Variants in TRIM49 observed in about 807,000 individuals in gnomAD.
TRIM49 encodes tripartite motif-containing protein 49.
Under a neutral mutation model 27.4 loss-of-function variants are expected in TRIM49, and 5 were observed. That is an observed-to-expected ratio of 0.18 (90% CI 0.10 to 0.38). The LOEUF is 0.38. Ranked by LOEUF, TRIM49 falls within the 10% of genes least tolerant of loss-of-function variation. The pLI, the probability that TRIM49 is intolerant of heterozygous loss-of-function variation, is 1.00. For synonymous variants in TRIM49, 69 were observed against 166.0 expected (o/e 0.42, Z 4.49); for missense variants, 188 against 487.5 (o/e 0.39, Z 5.79).
At chr11:89,791,736 A>G in the TRIM49 span, among the ~76,000 whole-genome samples, 8 of 152,312 alleles carry the variant, frequency 5.3e-5, no homozygotes, top group African/African-American at 1.9e-4. Flanking sequence ...AAGAGCTCCT[A>G]AAGGAAGCAC....
chr11:89,787,466 G>A, the TRIM49 span: 1 of 424,026 alleles, frequency 2.4e-6, no homozygotes, highest in Admixed American at 3.7e-5. Flanking sequence ...CAAGCGGCCT[G>A]GCCTAGAGGC....
chr11:89,770,739 G>A, the TRIM49 span, among the ~76,000 whole-genome samples: 5 of 142,534 alleles, frequency 3.5e-5, no homozygotes, highest in Admixed American at 6.8e-5. Context: ...GGTGGCGAGC[G>A]CCTGTAGTCC....
At chr11:89,800,466 G>C (rs1308894208) in intron 6 of TRIM49, among the ~76,000 whole-genome samples, 1 of 151,596 alleles carries the variant, frequency 6.6e-6, no homozygotes, top group Non-Finnish European at 1.5e-5. Context: ...ATCAGGGGCC[G>C]GGCGCGGTGG....
In TRIM49 at chr11:89,807,530, A is replaced by G. The variant is rs1470340920; in HGVS notation, c.-190-246T>C. Reference sequence around the variant, plus strand: ...CTGTTTATTGAGTTTCTTCCATGATACAGGCATTCCTCTAAGTGCACATTT... The same window carrying G: ...CTGTTTATTGAGTTTCTTCCATGATGCAGGCATTCCTCTAAGTGCACATTT... On this transcript the variant is annotated intron_variant, in intron 1 of 7. Transcript: ENST00000329758. 2.0e-5 allele frequency among the ~76,000 whole-genome samples: 3 copies of G among 150,748 alleles called. No individual in the cohort carries two copies. In the East Asian group the frequency reaches 5.9e-4, roughly 29 times the overall value.
At chr11:89,769,532 A>G in the TRIM49 span, among the ~76,000 whole-genome samples, 3 of 134,914 alleles carry the variant, frequency 2.2e-5, no homozygotes, top group South Asian at 2.3e-4. Flanking sequence ...CCTCGTGCAG[A>G]CAAGAGTTCT....
chr11:89,799,938 T>C, intron 6 of TRIM49, 125 bp from the exon 7 acceptor site: 4 of 1,142,640 alleles, frequency 3.5e-6, no homozygotes, highest in Non-Finnish European at 5.0e-6. Flanking sequence ...CAAAAATTAA[T>C]CCTTCCTTTT....
chr11:89,777,159 G>A, the TRIM49 span: 1 of 1,550,048 alleles, frequency 6.5e-7, no homozygotes, highest in East Asian at 2.4e-5. Flanking sequence ...AAACCTCAGA[G>A]AAGCCCAACT....
the TRIM49 span, chr11:89,776,891 A>C: frequency 7.0e-7 from 1 of 1,418,732 alleles, no homozygotes; most frequent in Non-Finnish European, 9.4e-7. Flanking sequence ...GACAAAGAAA[A>C]TTGTCCACCG....
the TRIM49 span, chr11:89,766,823 G>A: frequency 8.3e-6 from 11 of 1,331,520 alleles, 1 homozygote; most frequent in South Asian, 1.2e-5. Context: ...GAAGAAATAT[G>A]TCCTTAGATT....
At chr11:89,778,268 C>T in the TRIM49 span, among the ~76,000 whole-genome samples, 2,660 of 151,808 alleles carry the variant, frequency 0.018, 22 homozygotes, top group East Asian at 0.049. Flanking sequence ...CCTTTTCAGA[C>T]ACTGCAGATG....
chr11:89,803,964 G>C, intron 3 of TRIM49, 95 bp downstream of exon 3: 3 of 1,610,614 alleles, frequency 1.9e-6, no homozygotes, highest in Non-Finnish European at 2.5e-6. Context: ...TGCTTAAAGG[G>C]ACTCAGAGTT....
chr11:89,787,971 G>A, the TRIM49 span: 8 of 274,626 alleles, frequency 2.9e-5, no homozygotes, highest in Non-Finnish European at 5.5e-5. Flanking sequence ...CCAGGAAGGG[G>A]CTGGGGGAGC....
chr11:89,807,093 A>G lies in TRIM49; in HGVS notation c.-5+6T>C, dbSNP rs1209453100. On this transcript the variant is annotated splice_donor_region_variant and intron_variant, in intron 2 of 7. Coordinates refer to ENST00000329758, the MANE Select transcript of TRIM49 (RefSeq NM_020358.2). ...TGATATAATTTTATCAATATGTTTC[A>G]CTCACCCTGGAGTTCTTTTAATGGT... 6.6e-6 allele frequency: 1 copy of G among 152,288 alleles called. No homozygotes were observed. The highest frequency in any genetic ancestry group is 1.5e-5 in the Non-Finnish European group (1 of 67,930). The allele number at this position is 152,288 out of a possible 1,614,324, so 9.4% of individuals were successfully genotyped here. A position where few individuals can be genotyped will look rare whatever the true frequency, so the allele number is the denominator to read the frequency against.
the TRIM49 span, among the ~76,000 whole-genome samples, chr11:89,770,738 C>T: frequency 9.8e-5 from 14 of 142,242 alleles, no homozygotes; most frequent in East Asian, 1.9e-3. Flanking sequence ...TGGTGGCGAG[C>T]GCCTGTAGTC....
the TRIM49 span, among the ~76,000 whole-genome samples, chr11:89,770,818 A>C: frequency 6.9e-6 from 1 of 144,250 alleles, no homozygotes; most frequent in African/African-American, 2.8e-5. Context: ...GTGAGCCAAG[A>C]TTGCGCCACT....
intron 2 of TRIM49, among the ~76,000 whole-genome samples, chr11:89,805,663 T>C (rs1178641796): frequency 1.3e-5 from 2 of 150,706 alleles, no homozygotes; most frequent in African/African-American, 2.5e-5. Flanking sequence ...TAGAATCATG[T>C]ATAGCTTGTG....
chr11:89,805,159 T>C (rs1949779131), intron 2 of TRIM49, among the ~76,000 whole-genome samples: 1 of 151,608 alleles, frequency 6.6e-6, no homozygotes. Flanking sequence ...TTATTAAAGA[T>C]ATTGGGTCTT....
chr11:89,793,257 A>G (rs1187796923), downstream of TRIM49, among the ~76,000 whole-genome samples: 2 of 152,080 alleles, frequency 1.3e-5, no homozygotes. Flanking sequence ...TACAAACCAA[A>G]TAAAGTCCGG....
At chr11:89,769,396 G>A in the TRIM49 span, among the ~76,000 whole-genome samples, 4 of 136,770 alleles carry the variant, frequency 2.9e-5, no homozygotes, top group East Asian at 4.1e-4. Context: ...TTATTCTACC[G>A]TTCATGGAGA....
Sources: allele counts gnomAD v4.1 joint callset (sites outside exome capture counted in the v4.1 genomes callset), GRCh38; gene constraint gnomAD v4.1.1; transcripts MANE v1.5; gene names NCBI Gene and HGNC (gene_info 2026-07-23, HGNC 2026-07-21).